The following CLMN variants were observed in gnomAD, a reference collection of about 807,000 sequenced individuals.
CLMN encodes the protein calmin (calponin-like, transmembrane).
A neutral mutation model predicts 92.7 loss-of-function variants in CLMN; 57 were observed. The ratio of observed to expected loss-of-function variants is 0.61; its 90% CI spans 0.50 to 0.77. The LOEUF is 0.77. Ranked by LOEUF, CLMN falls within the 30% of genes least tolerant of loss-of-function variation. The pLI, the probability that CLMN is intolerant of heterozygous loss-of-function variation, is 0.00. For missense variants in CLMN, 1,158 were observed against 1,237.5 expected, an observed-to-expected ratio of 0.94 and a Z score of 0.96; for synonymous variants, 466 against 470.6, an observed-to-expected ratio of 0.99 and a Z score of 0.13.
chr14:95,242,031 A>C (rs1350044848), intron 1 of CLMN, among the ~76,000 whole-genome samples: 1 of 152,074 alleles, frequency 6.6e-6, no homozygotes, highest in African/African-American at 2.4e-5. Flanking sequence ...AAGTTGGATC[A>C]TTGTTCCTGG....
At chr14:95,246,539 G>T (rs1487619140) in intron 1 of CLMN, among the ~76,000 whole-genome samples, 1 of 152,184 alleles carries the variant, frequency 6.6e-6, no homozygotes, top group African/African-American at 2.4e-5. Flanking sequence ...CGCCATCTTG[G>T]CTCACTGCAA....
At chr14:95,254,094 G>A (rs1435232080) in intron 1 of CLMN, among the ~76,000 whole-genome samples, 16 of 152,182 alleles carry the variant, frequency 1.1e-4, no homozygotes. Context: ...CCACTGTTGT[G>A]TGAGTCTCAG....
chr14:95,232,482 C>T (rs1186322725), intron 1 of CLMN, among the ~76,000 whole-genome samples: 1 of 152,182 alleles, frequency 6.6e-6, no homozygotes, highest in African/African-American at 2.4e-5. Flanking sequence ...AATCACGTTT[C>T]AATATTATGC....
intron 1 of CLMN, among the ~76,000 whole-genome samples, chr14:95,279,540 T>C (rs925982671): frequency 6.6e-6 from 1 of 152,218 alleles, no homozygotes; most frequent in South Asian, 2.1e-4. Flanking sequence ...TCCCAGCACT[T>C]TGGGAGGCCC....
chr14:95,213,487 A>C, intron 5 of CLMN, 78 bp from the exon 6 acceptor site: 1 of 1,371,844 alleles, frequency 7.3e-7, no homozygotes. Flanking sequence ...GGGTGGCCAT[A>C]TGGACCATGG....
At chr14:95,217,745 A>G (rs759493994) in intron 4 of CLMN, among the ~76,000 whole-genome samples, 2 of 152,250 alleles carry the variant, frequency 1.3e-5, no homozygotes, top group African/African-American at 2.4e-5. Flanking sequence ...GGGAAGCCCA[A>G]ATGGCAAGTG....
intron 3 of CLMN, 89 bp downstream of exon 3, chr14:95,223,671 T>C: frequency 1.0e-6 from 1 of 959,620 alleles, no homozygotes; most frequent in Non-Finnish European, 1.6e-6. Flanking sequence ...TATTATAGGA[T>C]ATGTCCAGGT....
At chr14:95,265,464 T>G (rs1056713999) in intron 1 of CLMN, among the ~76,000 whole-genome samples, 1 of 152,182 alleles carries the variant, frequency 6.6e-6, no homozygotes, top group South Asian at 2.1e-4. Context: ...AACTCCACAA[T>G]TGCATAAACC....
chr14:95,308,112 TCTC>T (rs1382020648), intron 1 of CLMN, among the ~76,000 whole-genome samples: 2 of 152,208 alleles, frequency 1.3e-5, no homozygotes, highest in African/African-American at 4.8e-5. Flanking sequence ...GAGAATTTCA[TCTC>T]CTCAATTTCT....
Position 95,190,924 on chromosome 14 carries a change from C to A in CLMN, c.*640G>T, listed in dbSNP as rs1896545145. On this transcript the variant is annotated 3_prime_UTR_variant, in exon 13 of 13. Transcript: ENST00000298912. Reference sequence around the variant, plus strand: ...CAAAACAAAAAAACAACAAAAAAAACAGGGTGAAAAAGAGCACACAGTGGC... The same window carrying A: ...CAAAACAAAAAAACAACAAAAAAAAAAGGGTGAAAAAGAGCACACAGTGGC... 4 of 152,378 alleles carry A rather than the reference C, an allele frequency of 2.6e-5. No homozygotes were observed. In the South Asian group the frequency reaches 8.3e-4, roughly 32 times the overall value. 9.4% of individuals were successfully genotyped at this position (152,378 alleles called of 1,614,324 possible).
chr14:95,299,549 A>G (rs1900955319), intron 1 of CLMN, among the ~76,000 whole-genome samples: 1 of 152,190 alleles, frequency 6.6e-6, no homozygotes, highest in South Asian at 2.1e-4. Flanking sequence ...CTCACAATGC[A>G]GTGGGGAGAC....
chr14:95,218,701 CCCACCG>C (rs1897431043), intron 4 of CLMN, among the ~76,000 whole-genome samples: 1 of 152,226 alleles, frequency 6.6e-6, no homozygotes, highest in African/African-American at 2.4e-5. Context: ...GGCTTGCCTT[CCCACCG>C]GGCCATTCAC....
intron 4 of CLMN, among the ~76,000 whole-genome samples, chr14:95,216,145 G>C (rs187251350): frequency 1.3e-5 from 2 of 152,312 alleles, no homozygotes; most frequent in African/African-American, 4.8e-5. Flanking sequence ...CACAATCATG[G>C]TGGAGGGCGA....
At chr14:95,301,350 CG>C (rs983581171) in intron 1 of CLMN, among the ~76,000 whole-genome samples, 8 of 152,178 alleles carry the variant, frequency 5.3e-5, no homozygotes, top group African/African-American at 1.9e-4. Context: ...GGTGGAAATG[CG>C]GGGGGAATTT....
In CLMN at chr14:95,182,161, T is replaced by C. The variant is rs540267366; in HGVS notation, c.*9403A>G. On this transcript the variant is annotated 3_prime_UTR_variant, in exon 13 of 13. Transcript: ENST00000298912. ...CACATTCATATATTGTTTATAAAGA[T>C]CTTTTTTTTTACAAAGCTACAGCTA... is the stretch of plus-strand genomic sequence containing the variant. 6.6e-6 allele frequency: 1 copy of C among 152,186 alleles called. No individual in the cohort carries two copies. Among genetic ancestry groups the C allele is most frequent in the Non-Finnish European group, 1.5e-5 (1 of 68,032 alleles). 9.4% of individuals were successfully genotyped at this position (152,186 alleles called of 1,614,324 possible). A position where few individuals can be genotyped will look rare whatever the true frequency, so the allele number is the denominator to read the frequency against.
intron 1 of CLMN, among the ~76,000 whole-genome samples, chr14:95,252,073 C>A (rs1027804968): frequency 6.6e-6 from 1 of 152,214 alleles, no homozygotes; most frequent in Non-Finnish European, 1.5e-5. Context: ...GGGCCCAAGA[C>A]CGTGGACTCG....
chr14:95,304,785 C>G (rs998931697), intron 1 of CLMN, among the ~76,000 whole-genome samples: 6 of 151,936 alleles, frequency 3.9e-5, no homozygotes, highest in Non-Finnish European at 7.4e-5. Flanking sequence ...GCTCCGAAAC[C>G]CCCCACTCCT....
intron 6 of CLMN, among the ~76,000 whole-genome samples, chr14:95,212,954 T>G (rs950939783): frequency 4.0e-5 from 6 of 151,780 alleles, no homozygotes; most frequent in African/African-American, 1.5e-4. Context: ...CCCGGCTAAT[T>G]TTGTTTGTAT....
At chr14:95,315,227 G>A (rs1167053555) in intron 1 of CLMN, among the ~76,000 whole-genome samples, 4 of 152,136 alleles carry the variant, frequency 2.6e-5, no homozygotes, top group Non-Finnish European at 4.4e-5. Context: ...AGGTGACCTC[G>A]CACAACAGGT....
Sources: gnomAD v4.1 joint callset for allele counts (sites outside exome capture counted in the v4.1 genomes callset) on GRCh38, gnomAD v4.1.1 for gene constraint, MANE v1.5 for transcripts, NCBI Gene and HGNC (gene_info 2026-07-23, HGNC 2026-07-21) for gene names.